The following PCNX2 variants were observed in gnomAD, a reference collection of about 807,000 sequenced individuals.
The protein encoded by PCNX2 is pecanex 2.
In PCNX2, 168 loss-of-function variants were observed where a neutral mutation model predicts 223.8. The observed-to-expected ratio is 0.75, with a 90% CI of 0.66 to 0.85. PCNX2 has a LOEUF of 0.85. Among genes scored for constraint, PCNX2 ranks in the 40% least tolerant of loss-of-function variants. The pLI, the probability that PCNX2 is intolerant of heterozygous loss-of-function variation, is 0.00. For synonymous variants in PCNX2, 1,006 were observed against 1,052.6 expected (o/e 0.96, Z 0.86); for missense variants, 2,507 against 2,675.5 (o/e 0.94, Z 1.39).
chr1:233,272,492 A>G (rs1257978880), intron 1 of PCNX2, among the ~76,000 whole-genome samples: 2 of 152,182 alleles, frequency 1.3e-5, no homozygotes, highest in African/African-American at 4.8e-5. Flanking sequence ...ATGAAAAAAT[A>G]ATAGGTGTTG....
At chr1:233,303,839 C>A in the PCNX2 span, among the ~76,000 whole-genome samples, 1 of 152,120 alleles carries the variant, frequency 6.6e-6, no homozygotes, top group Non-Finnish European at 1.5e-5. Flanking sequence ...ATTTTTGTAT[C>A]ATTTTACTTT....
chr1:233,024,503 C>T (rs902335392), intron 26 of PCNX2, among the ~76,000 whole-genome samples: 3 of 152,208 alleles, frequency 2.0e-5, no homozygotes, highest in African/African-American at 7.2e-5. Context: ...GCCCCTTCCC[C>T]TTCAGAAAAC....
At chr1:233,178,206 G>A (rs1679594538) in intron 16 of PCNX2, among the ~76,000 whole-genome samples, 1 of 152,142 alleles carries the variant, frequency 6.6e-6, no homozygotes, top group African/African-American at 2.4e-5. Context: ...ACAATTAGCA[G>A]CAAAAAGTGA....
At chr1:233,056,634 G>A (rs1352730144) in intron 24 of PCNX2, among the ~76,000 whole-genome samples, 4 of 152,180 alleles carry the variant, frequency 2.6e-5, no homozygotes, top group East Asian at 1.9e-4. Context: ...TAATGAGCAC[G>A]ATACAATTGT....
At chr1:233,194,957 C>T (rs994261818) in intron 15 of PCNX2, among the ~76,000 whole-genome samples, 3 of 146,624 alleles carry the variant, frequency 2.0e-5, no homozygotes, top group Non-Finnish European at 4.4e-5. Context: ...GTGGAGCTTG[C>T]AGTGAGCCAA....
intron 21 of PCNX2, among the ~76,000 whole-genome samples, chr1:233,118,486 A>G (rs1571900045): frequency 1.1e-5 from 1 of 88,186 alleles, no homozygotes; most frequent in Non-Finnish European, 2.2e-5. Flanking sequence ...ATCTCAAGGC[A>G]CCTACAAAAA....
intron 28 of PCNX2, among the ~76,000 whole-genome samples, chr1:233,009,615 C>T (rs1435890342): frequency 2.6e-5 from 4 of 152,174 alleles, no homozygotes; most frequent in Admixed American, 6.6e-5. Flanking sequence ...TTCATAAGCC[C>T]GGCCTGATGA....
chr1:233,200,273 G>A lies in PCNX2; in HGVS notation c.2864-9C>T. 1 of 1,536,822 alleles carries A rather than the reference G, an allele frequency of 6.5e-7. No individual in the cohort carries two copies. The highest frequency in any genetic ancestry group is 8.8e-7 in the Non-Finnish European group (1 of 1,132,358). On this transcript the variant is annotated splice_polypyrimidine_tract_variant and intron_variant, in intron 13 of 33. Coordinates refer to ENST00000258229, the MANE Select transcript of PCNX2 (RefSeq NM_014801.4). ...GAAGCAATATAAAAATACTGAAAAT[G>A]AACAAACAAAATTGACGATAAGCAT...
rs1038484523 is a variant in PCNX2, at chr1:233,017,160, G to A, written c.4606-6C>T. The A allele has an allele frequency of 3.7e-6, 3 of 810,116 alleles. No individual in the cohort carries two copies. Among genetic ancestry groups the A allele is most frequent in the African/African-American group, 1.1e-4 (2 of 18,414 alleles). The allele number at this position is 810,116 out of a possible 1,614,324, so 50.2% of individuals were successfully genotyped here. A position where few individuals can be genotyped will look rare whatever the true frequency, so the allele number is the denominator to read the frequency against. On this transcript the variant is annotated splice_polypyrimidine_tract_variant and splice_region_variant and intron_variant, in intron 26 of 33. Transcript: ENST00000258229. The stretch of plus-strand genomic sequence containing the variant: ...ACCATATAGTATATTATACTCTGCA[G>A]AGAAAAAGCCAGGAAGATTTTATTT...
intron 14 of PCNX2, among the ~76,000 whole-genome samples, chr1:233,199,836 A>G (rs76589056): frequency 0.013 from 1,979 of 152,156 alleles, 23 homozygotes; most frequent in South Asian, 0.038. Flanking sequence ...ATCCACTCAC[A>G]CATGCTCACA....
intron 7 of PCNX2, 146 bp downstream of exon 7, chr1:233,252,208 C>T: frequency 2.2e-6 from 2 of 904,166 alleles, no homozygotes; most frequent in Non-Finnish European, 3.1e-6. Context: ...GCAGCACACT[C>T]CATTCAAAGA....
At chr1:233,198,775 C>A (rs1680883095) in intron 15 of PCNX2, among the ~76,000 whole-genome samples, 164 bp downstream of exon 15, 1 of 152,188 alleles carries the variant, frequency 6.6e-6, no homozygotes, top group South Asian at 2.1e-4. Context: ...GGCATCCTGA[C>A]CTGTCTTCTA....
intron 21 of PCNX2, among the ~76,000 whole-genome samples, chr1:233,097,445 G>A (rs926261083): frequency 6.6e-6 from 1 of 152,026 alleles, no homozygotes; most frequent in African/African-American, 2.4e-5. Flanking sequence ...GAAAAGAGGA[G>A]TTTGTTTTTT....
intron 15 of PCNX2, among the ~76,000 whole-genome samples, chr1:233,185,913 A>G (rs1680070412): frequency 6.6e-6 from 1 of 152,152 alleles, no homozygotes; most frequent in Non-Finnish European, 1.5e-5. Flanking sequence ...AAATATTTTT[A>G]TGAGGTAGTA....
chr1:233,287,578 T>C (rs1030464965), intron 1 of PCNX2, among the ~76,000 whole-genome samples: 1 of 152,230 alleles, frequency 6.6e-6, no homozygotes, highest in Non-Finnish European at 1.5e-5. Flanking sequence ...ATTTGCCTTG[T>C]GCCATGACTG....
chr1:233,279,859 T>G (rs1661099160), intron 1 of PCNX2, among the ~76,000 whole-genome samples: 1 of 152,226 alleles, frequency 6.6e-6, no homozygotes, highest in South Asian at 2.1e-4. Flanking sequence ...AAACAGATTT[T>G]GTTTGGTTAT....
At chr1:233,100,676 G>A (rs1674437759) in intron 21 of PCNX2, among the ~76,000 whole-genome samples, 1 of 152,054 alleles carries the variant, frequency 6.6e-6, no homozygotes, top group Non-Finnish European at 1.5e-5. Context: ...TCTTCAGTCT[G>A]GAGACACCCC....
At chr1:233,046,815 T>C (rs1433750796) in intron 25 of PCNX2, among the ~76,000 whole-genome samples, 1 of 152,192 alleles carries the variant, frequency 6.6e-6, no homozygotes, top group African/African-American at 2.4e-5. Context: ...TGTTGTAATA[T>C]TGACAAATAA....
At chr1:233,012,994 A>G (rs1311646486) in intron 28 of PCNX2, among the ~76,000 whole-genome samples, 1 of 152,160 alleles carries the variant, frequency 6.6e-6, no homozygotes, top group Non-Finnish European at 1.5e-5. Flanking sequence ...GGGCCACATC[A>G]CAATGTTTTA....
Sources: allele counts gnomAD v4.1 joint callset (sites outside exome capture counted in the v4.1 genomes callset), GRCh38; gene constraint gnomAD v4.1.1; transcripts MANE v1.5; gene names NCBI Gene and HGNC (gene_info 2026-07-23, HGNC 2026-07-21).